Variants in GRM7 observed in about 807,000 individuals in gnomAD.
The protein encoded by GRM7 is metabotropic glutamate receptor 7.
Under a neutral mutation model 84.5 loss-of-function variants are expected in GRM7, and 35 were observed. The ratio of observed to expected loss-of-function variants is 0.41; its 90% CI spans 0.32 to 0.55. The LOEUF is 0.55. Among genes scored for constraint, GRM7 ranks in the 20% least tolerant of loss-of-function variants. GRM7 has a pLI of 0.19. For synonymous variants in GRM7, 487 were observed against 455.1 expected, an observed-to-expected ratio of 1.07 and a Z score of -0.89; for missense variants, 1,003 against 1,194.6, an observed-to-expected ratio of 0.84 and a Z score of 2.36.
intron 1 of GRM7, among the ~76,000 whole-genome samples, chr3:7,056,533 T>C (rs113811255): frequency 1.0e-3 from 154 of 152,110 alleles, no homozygotes; most frequent in African/African-American, 3.4e-3. Flanking sequence ...TTATATATCA[T>C]CTTTGTTAAA....
At chr3:7,309,848 C>T (rs1394852228) in intron 4 of GRM7, among the ~76,000 whole-genome samples, 1 of 152,100 alleles carries the variant, frequency 6.6e-6, no homozygotes, top group Non-Finnish European at 1.5e-5. Flanking sequence ...GCTGCCTGCC[C>T]AGTGTTTATG....
At chr3:7,242,476 A>G (rs1205720045) in intron 2 of GRM7, among the ~76,000 whole-genome samples, 1 of 152,128 alleles carries the variant, frequency 6.6e-6, no homozygotes, top group African/African-American at 2.4e-5. Context: ...CATTCAAACT[A>G]TGCTTTGTCT....
chr3:7,280,649 A>C (rs1402940750), intron 2 of GRM7, among the ~76,000 whole-genome samples: 1 of 152,244 alleles, frequency 6.6e-6, no homozygotes, highest in Non-Finnish European at 1.5e-5. Context: ...GCTGGCATAT[A>C]GTACAAGCTC....
chr3:7,007,562 C>G (rs1215668924), intron 1 of GRM7, among the ~76,000 whole-genome samples: 1 of 152,170 alleles, frequency 6.6e-6, no homozygotes, highest in Non-Finnish European at 1.5e-5. Flanking sequence ...CATTCCCAGA[C>G]ACCGCACCAA....
intron 4 of GRM7, among the ~76,000 whole-genome samples, chr3:7,388,784 C>A (rs138603472): frequency 6.6e-6 from 1 of 151,876 alleles, no homozygotes; most frequent in African/African-American, 2.4e-5. Context: ...TTTGAGTATT[C>A]TTTTTTCTTT....
chr3:7,524,296 G>A (rs1003469353), intron 7 of GRM7, among the ~76,000 whole-genome samples: 2 of 149,460 alleles, frequency 1.3e-5, no homozygotes, highest in Non-Finnish European at 1.5e-5. Context: ...CTTCTGCACA[G>A]CAAAAGAAAC....
chr3:7,456,616 CT>C (rs144929868), intron 6 of GRM7, among the ~76,000 whole-genome samples: 1,643 of 151,854 alleles, frequency 0.011, 31 homozygotes, highest in African/African-American at 0.035. Context: ...AGAGGAAGGG[CT>C]TCCTGCATCA....
At chr3:7,353,387 A>T (rs549984232) in intron 4 of GRM7, among the ~76,000 whole-genome samples, 62 of 152,206 alleles carry the variant, frequency 4.1e-4, no homozygotes, top group African/African-American at 1.4e-3. Flanking sequence ...AAATGTATTG[A>T]TATGGGCCCA....
At chr3:7,691,167 G>T (rs1700787776) in intron 9 of GRM7, 3 of 592,866 alleles carry the variant, frequency 5.1e-6, no homozygotes, top group Non-Finnish European at 8.4e-6. Flanking sequence ...TCAAGTTGAA[G>T]ATTAGTTTTC....
chr3:7,559,681 A>G (rs1693926882), intron 7 of GRM7, among the ~76,000 whole-genome samples: 1 of 152,138 alleles, frequency 6.6e-6, no homozygotes, highest in Non-Finnish European at 1.5e-5. Context: ...AAAGAGTTTG[A>G]TTGTCAAATC....
intron 8 of GRM7, among the ~76,000 whole-genome samples, chr3:7,655,171 A>G (rs1461005134): frequency 6.6e-6 from 1 of 152,236 alleles, no homozygotes; most frequent in Non-Finnish European, 1.5e-5. Context: ...TGATGTCAAA[A>G]TTCCACCAGG....
intron 7 of GRM7, among the ~76,000 whole-genome samples, chr3:7,473,122 C>T (rs1219971890): frequency 6.6e-6 from 1 of 152,028 alleles, no homozygotes; most frequent in Non-Finnish European, 1.5e-5. Flanking sequence ...GAGAAAGCTA[C>T]CAAATTTTCC....
At chr3:7,336,371 T>C (rs1225569853) in intron 4 of GRM7, among the ~76,000 whole-genome samples, 2 of 151,712 alleles carry the variant, frequency 1.3e-5, no homozygotes, top group Middle Eastern at 3.4e-3. Context: ...CTCAGCAAAA[T>C]TGGCATAGAA....
At chr3:7,621,001 G>C (rs1240997850) in intron 8 of GRM7, among the ~76,000 whole-genome samples, 2 of 152,112 alleles carry the variant, frequency 1.3e-5, no homozygotes, top group Non-Finnish European at 2.9e-5. Context: ...GGGTGTCGTA[G>C]TCTTAGCCCA....
At chr3:6,962,849 T>A (rs1335728542) in intron 1 of GRM7, among the ~76,000 whole-genome samples, 2 of 152,154 alleles carry the variant, frequency 1.3e-5, no homozygotes, top group African/African-American at 2.4e-5. Context: ...GTGGAGATAA[T>A]TTTTTCTTAA....
intron 2 of GRM7, among the ~76,000 whole-genome samples, chr3:7,192,417 T>A (rs981806039): frequency 2.0e-5 from 3 of 152,150 alleles, no homozygotes; most frequent in African/African-American, 7.2e-5. Flanking sequence ...CTGAACCAAC[T>A]TCCTCAAATT....
intron 8 of GRM7, among the ~76,000 whole-genome samples, chr3:7,601,332 G>C (rs1468167093): frequency 1.3e-5 from 2 of 152,076 alleles, no homozygotes; most frequent in East Asian, 1.9e-4. Context: ...TTTCCAAAGA[G>C]GTCTTTGGCA....
chr3:7,440,668 C>G (rs1012854219), intron 5 of GRM7, among the ~76,000 whole-genome samples: 12 of 152,098 alleles, frequency 7.9e-5, no homozygotes, highest in African/African-American at 2.7e-4. Flanking sequence ...CAAATAGGCC[C>G]CAGCCTCTAT....
At chr3:7,645,496 G>C (rs537154655) in intron 8 of GRM7, among the ~76,000 whole-genome samples, 2 of 146,660 alleles carry the variant, frequency 1.4e-5, no homozygotes, top group African/African-American at 5.1e-5. Context: ...GCAGTGAGCC[G>C]AGGTTGCCCC....
Sources: allele counts gnomAD v4.1 joint callset (sites outside exome capture counted in the v4.1 genomes callset), GRCh38; gene constraint gnomAD v4.1.1; transcripts MANE v1.5; gene names NCBI Gene and HGNC (gene_info 2026-07-23, HGNC 2026-07-21).